The following CACNG7 variants were observed in gnomAD, a reference collection of about 807,000 sequenced individuals.
CACNG7 encodes the protein voltage-dependent calcium channel gamma-7 subunit.
Under a neutral mutation model 26.3 loss-of-function variants are expected in CACNG7, and 9 were observed. That is an observed-to-expected ratio of 0.34 (90% confidence interval 0.21 to 0.60). CACNG7 has a LOEUF of 0.60. CACNG7 is among the 20% of genes least tolerant of loss of function. CACNG7 has a pLI of 0.81. For synonymous variants in CACNG7, 170 were observed against 157.0 expected (o/e 1.08, Z -0.62); for missense variants, 297 against 380.4 (o/e 0.78, Z 1.82).
At chr19:53,911,251 AG>A (rs2068860534) in intron 1 of CACNG7, among the ~76,000 whole-genome samples, 1 of 151,954 alleles carries the variant, frequency 6.6e-6, no homozygotes, top group African/African-American at 2.4e-5. Flanking sequence ...TTTTTAGCAG[AG>A]ACAAGGTTTC....
chr19:53,911,757 G>T (rs935113888), intron 1 of CACNG7, among the ~76,000 whole-genome samples: 1 of 152,218 alleles, frequency 6.6e-6, no homozygotes. Context: ...GAGCCGCCAG[G>T]CGGAGGATGG....
chr19:53,932,055 C>A (rs544789293), intron 4 of CACNG7, among the ~76,000 whole-genome samples: 44 of 151,390 alleles, frequency 2.9e-4, no homozygotes, highest in Admixed American at 2.3e-3. Flanking sequence ...GCCACTGTGC[C>A]CGGCCAGCAC....
chr19:53,928,222 C>T (rs1371622076), intron 4 of CACNG7, among the ~76,000 whole-genome samples: 1 of 152,072 alleles, frequency 6.6e-6, no homozygotes, highest in African/African-American at 2.4e-5. Context: ...TTCTTTCTTT[C>T]TCATCAGACC....
intron 4 of CACNG7, among the ~76,000 whole-genome samples, chr19:53,933,656 G>A (rs2069087714): frequency 6.6e-6 from 1 of 150,640 alleles, no homozygotes; most frequent in South Asian, 2.1e-4. Flanking sequence ...ATGGATGCAG[G>A]TTTGATTTTT....
intron 4 of CACNG7, among the ~76,000 whole-genome samples, chr19:53,932,466 C>CT (rs1555811693): frequency 8.6e-5 from 13 of 151,914 alleles, no homozygotes; most frequent in Admixed American, 7.2e-4. Context: ...CAGTATATCT[C>CT]TGAGTTATAA....
chr19:53,931,078 C>A (rs1189445890), intron 4 of CACNG7, among the ~76,000 whole-genome samples: 1 of 152,018 alleles, frequency 6.6e-6, no homozygotes, highest in Non-Finnish European at 1.5e-5. Context: ...CACCTGCAGT[C>A]CCAGCTACTC....
chr19:53,915,486 C>T lies in CACNG7; in HGVS notation c.405C>T (p.Gly135=). ...GGACCATTCTGGCTTTTGTCTCTGG[C>T]ATCTTCTTCATACTATCGGGTGAGC... is the stretch of plus-strand genomic sequence containing the variant. ...PQRTILAFVS[G]IFFILSGLSL... Residue 135 remains glycine, a synonymous_variant, in exon 4 of 6, where the codon GGC becomes GGT. Transcript: ENST00000391767. 6.2e-7 allele frequency: 1 copy of T among 1,614,120 alleles called. No individual in the cohort carries two copies. Among genetic ancestry groups the T allele is most frequent in the Non-Finnish European group, 8.5e-7 (1 of 1,180,036 alleles).
intron 4 of CACNG7, among the ~76,000 whole-genome samples, chr19:53,920,341 G>C (rs1348855920): frequency 8.6e-6 from 1 of 115,708 alleles, no homozygotes. Context: ...TCTGGTCATT[G>C]GTGGAGTTTC....
rs217541 is a variant in CACNG7 at position 53,940,612 on chromosome 19, T to C, written c.425-858T>C. On this transcript the variant is annotated intron_variant, in intron 4 of 5. Coordinates refer to ENST00000391767, the MANE Select transcript of CACNG7 (RefSeq NM_031896.5). The surrounding 1 kb of genome is among the most constrained non-coding windows in gnomAD (Gnocchi z 4.1). The stretch of plus-strand genomic sequence containing the variant: ...TGGGCCCGGCATTCGAGGCTCACCA[T>C]GGCTATACCTTCCCCTTTCTCTAAC... Among the ~76,000 whole-genome samples the C allele has an allele frequency of 0.87, 132,537 of 152,114 alleles. 57,787 individuals carry two copies. Among genetic ancestry groups the C allele is most frequent in the East Asian group, 0.97 (5,018 of 5,176 alleles).
intron 4 of CACNG7, among the ~76,000 whole-genome samples, chr19:53,926,600 T>A (rs913171172): frequency 1.3e-5 from 2 of 152,174 alleles, no homozygotes; most frequent in African/African-American, 2.4e-5. Flanking sequence ...TCTTCTTGTA[T>A]CAGAATGTAA....
intron 4 of CACNG7, among the ~76,000 whole-genome samples, chr19:53,923,175 C>CAGGTCTGGTCATTGGTGGAGTTGTCT (rs1568776037): frequency 1.3e-4 from 11 of 86,664 alleles, no homozygotes; most frequent in Non-Finnish European, 2.1e-4. Flanking sequence ...TGGAGTTGTC[C>CAGGTCTGGTCATTGGTGGAGTTGTCT]CAGGTCTGGT....
At chr19:53,926,111 G>A (rs1024443587) in intron 4 of CACNG7, among the ~76,000 whole-genome samples, 1 of 152,140 alleles carries the variant, frequency 6.6e-6, no homozygotes, top group African/African-American at 2.4e-5. Flanking sequence ...TAGCCCATGT[G>A]CACTCACTCA....
At position 53,922,454 on chromosome 19, in the gene CACNG7, G is replaced by GT. The variant is rs1382431965; in HGVS notation, c.424+6949_424+6950insT. 1.1e-4 allele frequency among the ~76,000 whole-genome samples: 11 copies of GT among 96,702 alleles called. No individual in the cohort carries two copies. The East Asian group carries it at 1.2e-3, about 10-fold the overall frequency. 63.4% of individuals were successfully genotyped at this position (96,702 alleles called of 152,430 possible). ...CTGGTCATTGGTGGAGTTGTCCCAG[G>GT]CTGGTCATTGGTGGAGTTGCCCCAG... On this transcript the variant is annotated intron_variant, in intron 4 of 5. Coordinates refer to ENST00000391767, the MANE Select transcript of CACNG7 (RefSeq NM_031896.5).
chr19:53,911,040 T>TTGGTGGTGG (rs148889389), intron 1 of CACNG7, among the ~76,000 whole-genome samples: 24,153 of 150,154 alleles, frequency 0.16, 4,401 homozygotes, highest in African/African-American at 0.45. Context: ...GGATGCTGGA[T>TTGGTGGTGG]TGGTGGTGGT....
intron 3 of CACNG7, among the ~76,000 whole-genome samples, chr19:53,914,996 ACT>A (rs949413018): frequency 2.1e-5 from 3 of 144,314 alleles, no homozygotes; most frequent in Admixed American, 2.1e-4. Context: ...ACAGAGTGAG[ACT>A]CTGTCTCAAA....
chr19:53,925,723 C>T (rs2069025323), intron 4 of CACNG7, among the ~76,000 whole-genome samples: 1 of 152,316 alleles, frequency 6.6e-6, no homozygotes, highest in South Asian at 2.1e-4. Context: ...GGGACCTCTG[C>T]TGGGGATGGA....
intron 4 of CACNG7, among the ~76,000 whole-genome samples, chr19:53,928,210 A>C (rs150199961): frequency 6.6e-6 from 1 of 152,162 alleles, no homozygotes; most frequent in African/African-American, 2.4e-5. Context: ...CGGTGGAAAT[A>C]TTTCTTTCTT....
intron 4 of CACNG7, among the ~76,000 whole-genome samples, chr19:53,933,566 T>C (rs1252184258): frequency 6.6e-6 from 1 of 151,744 alleles, no homozygotes. Flanking sequence ...CCTCCCAGAG[T>C]GCTGAGATTA....
chr19:53,917,632 A>C (rs1385216112), intron 4 of CACNG7, among the ~76,000 whole-genome samples: 3 of 152,196 alleles, frequency 2.0e-5, no homozygotes, highest in Non-Finnish European at 4.4e-5. Context: ...AGCTAAAATA[A>C]GACACGGAGA....
Sources: allele counts gnomAD v4.1 joint callset (sites outside exome capture counted in the v4.1 genomes callset), GRCh38; gene constraint gnomAD v4.1.1; non-coding constraint Gnocchi (gnomAD v3.1); transcripts MANE v1.5; gene names NCBI Gene and HGNC (gene_info 2026-07-23, HGNC 2026-07-21).